DGKH: variants seen among roughly 807,000 people sequenced by gnomAD.
The protein encoded by DGKH is DAG kinase eta.
A neutral mutation model predicts 159.3 loss-of-function variants in DGKH; 90 were observed. The observed-to-expected ratio is 0.57, with a 90% confidence interval of 0.48 to 0.67. The LOEUF (loss-of-function observed/expected upper bound fraction) is 0.67, where lower values mean the gene tolerates loss of function less well. DGKH is among the 30% of genes least tolerant of loss of function. The pLI is 0.00. For missense variants in DGKH, 1,181 were observed against 1,506.1 expected (o/e 0.78, Z 3.57); for synonymous variants, 536 against 553.8 (o/e 0.97, Z 0.45).
intron 3 of DGKH, among the ~76,000 whole-genome samples, chr13:42,151,515 G>GTATATATATATACACGTGTATA (rs761492329): frequency 9.9e-6 from 1 of 100,898 alleles, no homozygotes; most frequent in African/African-American, 4.3e-5. Context: ...GTATACACAT[G>GTATATATATATACACGTGTATA]TATATATATA....
chr13:42,219,683 C>A lies in DGKH; in HGVS notation c.3334-3C>A. On this transcript the variant is annotated splice_polypyrimidine_tract_variant and splice_region_variant and intron_variant, in intron 27 of 29. Coordinates refer to ENST00000337343, the MANE Select transcript of DGKH (RefSeq NM_178009.5). ...AAATTATTTTCTTGCTCGATTTGAA[C>A]AGGAACCTCCTATGGATTGCACCAA... is the stretch of plus-strand genomic sequence containing the variant. The A allele has an allele frequency of 6.2e-7, 1 of 1,610,318 alleles. No homozygotes were observed.
At chr13:42,170,072 A>C (rs1249852837) in intron 11 of DGKH, among the ~76,000 whole-genome samples, 1 of 152,252 alleles carries the variant, frequency 6.6e-6, no homozygotes, top group Non-Finnish European at 1.5e-5. Context: ...ATAAATAAAT[A>C]AAATCACCAT....
At chr13:42,065,467 C>T (rs919001623) in intron 1 of DGKH, among the ~76,000 whole-genome samples, 3 of 152,208 alleles carry the variant, frequency 2.0e-5, no homozygotes, top group African/African-American at 7.2e-5. Flanking sequence ...CTTAGAGAGG[C>T]AACACCCTAG....
At chr13:42,069,634 G>T in intron 1 of DGKH, 1 of 1,399,120 alleles carries the variant, frequency 7.1e-7, no homozygotes, top group Non-Finnish European at 9.9e-7. Flanking sequence ...TTTCTTATCA[G>T]ATTTTTCTTT....
intron 20 of DGKH, 97 bp from the exon 21 acceptor site, chr13:42,205,942 C>T: frequency 1.7e-6 from 1 of 584,804 alleles, no homozygotes; most frequent in Non-Finnish European, 2.6e-6. Context: ...CACTGTGCTC[C>T]ATTGTCCTTC....
At chr13:42,245,975 T>C (rs906515127), downstream of DGKH, among the ~76,000 whole-genome samples, 2 of 152,180 alleles carry the variant, frequency 1.3e-5, no homozygotes, top group Non-Finnish European at 2.9e-5. Context: ...ATATCCTAAT[T>C]CTTTAAAAAG....
intron 1 of DGKH, among the ~76,000 whole-genome samples, chr13:42,053,528 CTA>C (rs1283729752): frequency 1.6e-5 from 1 of 63,038 alleles, no homozygotes; most frequent in Non-Finnish European, 3.4e-5. Context: ...CTATATATAA[CTA>C]TATATGTATA....
At chr13:42,220,673 C>T (rs943800346) in intron 28 of DGKH, among the ~76,000 whole-genome samples, 2 of 152,114 alleles carry the variant, frequency 1.3e-5, no homozygotes, top group African/African-American at 2.4e-5. Context: ...CTGAAAATAA[C>T]GTAATCCAAC....
chr13:42,056,827 T>C (rs1430064367), intron 1 of DGKH, among the ~76,000 whole-genome samples: 1 of 150,098 alleles, frequency 6.7e-6, no homozygotes, highest in African/African-American at 2.4e-5. Flanking sequence ...CTTCGCTCTT[T>C]TCTCTCTCCC....
At chr13:42,228,601 T>TGAGA (rs71767540) in intron 29 of DGKH, among the ~76,000 whole-genome samples, 2 of 140,908 alleles carry the variant, frequency 1.4e-5, no homozygotes, top group African/African-American at 5.2e-5. Context: ...AAAGAGCCTT[T>TGAGA]GAGAGAGAGA....
chr13:42,238,950 C>T lies in DGKH; in HGVS notation c.*9762C>T, dbSNP rs1285147378. ...AATTTGGAGCTCCTGTTGCATCTCA[C>T]TGCCCCAAAAATGTTGGAATGCCAT... On this transcript the variant is annotated 3_prime_UTR_variant, in exon 30 of 30. Transcript: ENST00000337343. 2 of 152,092 alleles carry T rather than the reference C, an allele frequency of 1.3e-5. No homozygotes were observed. The highest frequency in any genetic ancestry group is 4.8e-5 in the African/African-American group (2 of 41,426). 9.4% of individuals were successfully genotyped at this position (152,092 alleles called of 1,614,324 possible).
intron 3 of DGKH, among the ~76,000 whole-genome samples, chr13:42,132,802 T>A (rs1043707170): frequency 6.6e-6 from 1 of 152,076 alleles, no homozygotes; most frequent in African/African-American, 2.4e-5. Context: ...AGGAGGCTGA[T>A]TGCTTGAGGA....
At chr13:42,155,506 G>C (rs1163994859) in intron 4 of DGKH, 111 bp downstream of exon 4, 4 of 1,499,366 alleles carry the variant, frequency 2.7e-6, no homozygotes, top group African/African-American at 1.4e-5. Flanking sequence ...TCAGCAACTT[G>C]TTTAAACCAG....
At chr13:42,221,426 A>AT in intron 29 of DGKH, 32 bp downstream of exon 29, 6 of 1,607,952 alleles carry the variant, frequency 3.7e-6, no homozygotes, top group Non-Finnish European at 5.1e-6. Context: ...GTTCTTGAAA[A>AT]TTTTATTGCA....
chr13:42,191,212 C>T (rs1286413863), intron 16 of DGKH, among the ~76,000 whole-genome samples: 1 of 152,022 alleles, frequency 6.6e-6, no homozygotes. Flanking sequence ...TGGAATAAAA[C>T]AAAGCAGAAA....
chr13:42,110,585 T>TGATCATTCATTC (rs1555262052), intron 1 of DGKH, among the ~76,000 whole-genome samples: 6 of 21,070 alleles, frequency 2.8e-4, no homozygotes, highest in Non-Finnish European at 6.6e-4. Flanking sequence ...ATTTGAAGGA[T>TGATCATTCATTC]AATCATTCAT....
At chr13:42,168,043 C>T (rs189186287) in intron 9 of DGKH, among the ~76,000 whole-genome samples, 4 of 152,232 alleles carry the variant, frequency 2.6e-5, no homozygotes, top group Non-Finnish European at 2.9e-5. Flanking sequence ...ACTGCCTGAG[C>T]GTCACTCATT....
intron 7 of DGKH, among the ~76,000 whole-genome samples, chr13:42,163,050 C>T (rs1956228792): frequency 2.2e-5 from 3 of 137,344 alleles, no homozygotes; most frequent in South Asian, 5.4e-4. Flanking sequence ...GTGTGATGTT[C>T]CCCTTCCTGT....
Position 42,229,419 on chromosome 13 carries a change from G to A in DGKH, c.*231G>A. The A allele has an allele frequency of 4.5e-6, 2 of 441,664 alleles. No homozygotes were observed. Among genetic ancestry groups the A allele is most frequent in the Non-Finnish European group, 8.0e-6 (2 of 250,560 alleles). 27.4% of individuals were successfully genotyped at this position (441,664 alleles called of 1,614,324 possible). ...TTTTCTTTTTGTGCAAACCTGACAT[G>A]TTCAAATATATTCACAATGGTAATA... is the stretch of plus-strand genomic sequence containing the variant. On this transcript the variant is annotated 3_prime_UTR_variant, in exon 30 of 30. Coordinates refer to ENST00000337343, the MANE Select transcript of DGKH (RefSeq NM_178009.5).
Sources: allele counts gnomAD v4.1 joint callset (sites outside exome capture counted in the v4.1 genomes callset), GRCh38; gene constraint gnomAD v4.1.1; transcripts MANE v1.5; gene names NCBI Gene and HGNC (gene_info 2026-07-23, HGNC 2026-07-21).